Variants in SLC35F3 observed in about 807,000 individuals in gnomAD.
The protein encoded by SLC35F3 is putative thiamine transporter SLC35F3.
In SLC35F3, 25 loss-of-function variants were observed where a neutral mutation model predicts 49.9. The observed-to-expected ratio is 0.50, with a 90% CI of 0.37 to 0.70. The LOEUF (loss-of-function observed/expected upper bound fraction) is 0.70. Among genes scored for constraint, SLC35F3 ranks in the 30% least tolerant of loss-of-function variants. SLC35F3 has a pLI of 0.00. For missense variants in SLC35F3, 525 were observed against 639.8 expected (o/e 0.82, Z 1.94); for synonymous variants, 275 against 265.4 (o/e 1.04, Z -0.35).
Position 234,214,812 on chromosome 1 carries a change from C to A in SLC35F3, c.284-16605C>A. On this transcript the variant is annotated intron_variant, in intron 2 of 7. Coordinates refer to ENST00000366618, the MANE Select transcript of SLC35F3 (RefSeq NM_173508.4). The surrounding 1 kb of genome is among the most constrained non-coding windows in gnomAD (Gnocchi z 8.0). ...TGCGGCGAGTGAGCACCCGGCTCCC[C>A]AACCCTCTCCTTCCTGGGCAGCACC... 4.2e-6 allele frequency: 2 copies of A among 476,270 alleles called. No individual in the cohort carries two copies. The highest frequency in any genetic ancestry group is 7.2e-6 in the Non-Finnish European group (2 of 277,428). 29.5% of individuals were successfully genotyped at this position (476,270 alleles called of 1,614,324 possible).
intron 3 of SLC35F3, among the ~76,000 whole-genome samples, chr1:234,247,364 T>C (rs1017782559): frequency 2.6e-5 from 4 of 152,212 alleles, no homozygotes; most frequent in Admixed American, 6.5e-5. Context: ...CATTGTTCGG[T>C]AGGTTGGTTG....
chr1:234,043,547 AACTGTTGTGTT>A (rs1664252648), intron 2 of SLC35F3, among the ~76,000 whole-genome samples: 1 of 152,184 alleles, frequency 6.6e-6, no homozygotes, highest in South Asian at 2.1e-4. Flanking sequence ...TTCCACATTC[AACTGTTGTGTT>A]ACATGTTATG....
chr1:234,309,250 T>C lies in SLC35F3; in HGVS notation c.758T>C (p.Phe253Ser). 2 of 1,614,252 alleles carry C rather than the reference T, an allele frequency of 1.2e-6. No homozygotes were observed. Among genetic ancestry groups the C allele is most frequent in the Non-Finnish European group, 1.7e-6 (2 of 1,180,048 alleles). Residue 253 changes from phenylalanine (F) to serine (S), a missense_variant, in exon 4 of 8, where the codon TTC becomes TCC. By Grantham distance (155) the Phe-to-Ser change is radical. Coordinates refer to ENST00000366618, the MANE Select transcript of SLC35F3 (RefSeq NM_173508.4). Reference sequence around the variant, plus strand: ...AACACTACGGATGTCTCCGTGTTGTTCTGCTGCAACAAAGCTTTTGTGTTC... The same window carrying C: ...AACACTACGGATGTCTCCGTGTTGTCCTGCTGCAACAAAGCTTTTGTGTTC... ...KINTTDVSVL[F>S]CCNKAFVFLL...
intron 2 of SLC35F3, among the ~76,000 whole-genome samples, chr1:233,964,077 G>C (rs1662854455): frequency 6.6e-6 from 1 of 152,196 alleles, no homozygotes; most frequent in African/African-American, 2.4e-5. Context: ...GAAGGTCCTT[G>C]TCATTGGGAC....
rs538093445 is a variant in SLC35F3 at position 234,137,907 on chromosome 1, G to T, written c.284-93510G>T. Among the ~76,000 whole-genome samples the T allele has an allele frequency of 7.2e-5, 11 of 152,298 alleles. No homozygotes were observed. The South Asian group carries it at 1.9e-3, about 26-fold the overall frequency. On this transcript the variant is annotated intron_variant, in intron 2 of 7. Transcript: ENST00000366618. ...GAAAAAGAAGGCTGGATGCGAGAGGGGTTGAAAAGGTTAGATTTGGGTTGG... is the reference window on the plus strand; with the variant it reads ...GAAAAAGAAGGCTGGATGCGAGAGGTGTTGAAAAGGTTAGATTTGGGTTGG...
chr1:233,907,661 A>G (rs1356893116), intron 2 of SLC35F3, among the ~76,000 whole-genome samples: 1 of 152,200 alleles, frequency 6.6e-6, no homozygotes, highest in Non-Finnish European at 1.5e-5. Context: ...GTTTAAATTT[A>G]GAGAAGGTAA....
At chr1:234,275,629 A>G (rs1254197323) in intron 3 of SLC35F3, among the ~76,000 whole-genome samples, 1 of 151,982 alleles carries the variant, frequency 6.6e-6, no homozygotes, top group Admixed American at 6.6e-5. Flanking sequence ...AAACATACAC[A>G]CACAACACAT....
intron 2 of SLC35F3, among the ~76,000 whole-genome samples, chr1:233,953,479 G>T (rs1005508318): frequency 1.3e-5 from 2 of 152,208 alleles, no homozygotes; most frequent in African/African-American, 4.8e-5. Context: ...TAGAATGAGA[G>T]ACCGGGAGAC....
At chr1:234,085,916 G>A (rs993779666) in intron 2 of SLC35F3, among the ~76,000 whole-genome samples, 7 of 152,190 alleles carry the variant, frequency 4.6e-5, no homozygotes, top group African/African-American at 1.7e-4. Context: ...GGCAATAGTT[G>A]ATATTAGGCA....
intron 3 of SLC35F3, among the ~76,000 whole-genome samples, chr1:234,299,893 A>G (rs553482875): frequency 9.2e-5 from 14 of 152,090 alleles, no homozygotes; most frequent in African/African-American, 3.4e-4. Context: ...ATTTAGAAGA[A>G]CTTTTTAAAA....
chr1:234,158,540 G>A (rs1166917698), intron 2 of SLC35F3, among the ~76,000 whole-genome samples: 1 of 152,046 alleles, frequency 6.6e-6, no homozygotes, highest in East Asian at 1.9e-4. Context: ...TCACTGTCTA[G>A]TATTTGTTGG....
chr1:233,982,040 A>C (rs1663194200), intron 2 of SLC35F3, among the ~76,000 whole-genome samples: 1 of 152,234 alleles, frequency 6.6e-6, no homozygotes, highest in African/African-American at 2.4e-5. Flanking sequence ...CTCGTGCCTC[A>C]GCTGCCTGAG....
At chr1:234,129,862 T>TG (rs1044470330) in intron 2 of SLC35F3, among the ~76,000 whole-genome samples, 1 of 152,046 alleles carries the variant, frequency 6.6e-6, no homozygotes, top group Non-Finnish European at 1.5e-5. Flanking sequence ...AATATCCATA[T>TG]GGGGGGGAAC....
chr1:233,941,512 C>T (rs140900409), intron 2 of SLC35F3, among the ~76,000 whole-genome samples: 8 of 152,218 alleles, frequency 5.3e-5, no homozygotes, highest in South Asian at 2.1e-4. Context: ...GGTACCTGGG[C>T]GTCTAAAACA....
intron 3 of SLC35F3, chr1:234,285,627 A>G (rs891018432): frequency 4.3e-6 from 1 of 231,822 alleles, no homozygotes; most frequent in Admixed American, 5.3e-5. Flanking sequence ...ATGCAATAAC[A>G]GACCTATTAA....
At chr1:233,995,214 C>T (rs1272564738) in intron 2 of SLC35F3, among the ~76,000 whole-genome samples, 1 of 152,174 alleles carries the variant, frequency 6.6e-6, no homozygotes, top group Non-Finnish European at 1.5e-5. Context: ...AAAACATATC[C>T]TTGATCAAAT....
intron 2 of SLC35F3, among the ~76,000 whole-genome samples, chr1:233,946,625 C>T (rs533198231): frequency 3.9e-5 from 6 of 152,148 alleles, no homozygotes; most frequent in Admixed American, 6.5e-5. Flanking sequence ...CAGTGGTGTA[C>T]GTGCCAATGC....
chr1:234,277,227 G>A (rs947830391), intron 3 of SLC35F3, among the ~76,000 whole-genome samples: 2 of 152,218 alleles, frequency 1.3e-5, no homozygotes, highest in Admixed American at 6.5e-5. Context: ...GGGGGTTGAG[G>A]GGGAGTGTCC....
chr1:234,259,902 A>G (rs977606670), intron 3 of SLC35F3, among the ~76,000 whole-genome samples: 2 of 152,046 alleles, frequency 1.3e-5, no homozygotes, highest in Admixed American at 1.3e-4. Flanking sequence ...TCACAGCTTC[A>G]ATATAATAAA....
Sources: gnomAD v4.1 joint callset for allele counts (sites outside exome capture counted in the v4.1 genomes callset) on GRCh38, gnomAD v4.1.1 for gene constraint, Gnocchi (gnomAD v3.1) non-coding constraint, MANE v1.5 for transcripts, NCBI Gene and HGNC (gene_info 2026-07-23, HGNC 2026-07-21) for gene names.